Variants in MBD5 observed in about 807,000 individuals in gnomAD.
MBD5 encodes the protein methyl-CpG-binding domain protein 5.
Under a neutral mutation model 117.3 loss-of-function variants are expected in MBD5, and 13 were observed. That is an observed-to-expected ratio of 0.11 (90% confidence interval 0.07 to 0.18). The LOEUF is 0.18. Ranked by LOEUF, MBD5 falls within the 10% of genes least tolerant of loss-of-function variation. The pLI, the probability that MBD5 is intolerant of heterozygous loss-of-function variation, is 1.00. For synonymous variants in MBD5, 727 were observed against 766.4 expected, an observed-to-expected ratio of 0.95 and a Z score of 0.85; for missense variants, 1,879 against 2,093.8, an observed-to-expected ratio of 0.90 and a Z score of 2.00.
intron 9 of MBD5, among the ~76,000 whole-genome samples, chr2:148,484,610 C>A (rs139133441): frequency 8.5e-5 from 13 of 152,198 alleles, no homozygotes; most frequent in African/African-American, 3.1e-4. Flanking sequence ...TCTAGCAAAA[C>A]AAGAAACAAG....
intron 4 of MBD5, among the ~76,000 whole-genome samples, chr2:148,400,757 A>C (rs1368240296): frequency 1.3e-5 from 2 of 152,164 alleles, no homozygotes; most frequent in African/African-American, 4.8e-5. Flanking sequence ...GCAGTTAGCC[A>C]AATGTCTTTT....
chr2:148,204,051 A>G lies in MBD5; in HGVS notation c.-831+25258A>G, dbSNP rs1362906752. ...TGCTTAACTTTCTTCAGGAAGAAAG[A>G]AAAGGAGAGAGGGAAAGAATGGGAG... is the stretch of plus-strand genomic sequence containing the variant. On this transcript the variant is annotated intron_variant, in intron 2 of 13. Transcript: ENST00000642680. Among the ~76,000 whole-genome samples, 4 of 152,182 alleles carry G rather than the reference A, an allele frequency of 2.6e-5. No individual in the cohort carries two copies. The East Asian group carries it at 7.7e-4, about 29-fold the overall frequency.
At chr2:148,251,396 T>G (rs1574195170) in intron 3 of MBD5, among the ~76,000 whole-genome samples, 1 of 152,344 alleles carries the variant, frequency 6.6e-6, no homozygotes, top group East Asian at 1.9e-4. Flanking sequence ...TGGGCTTACC[T>G]GTGACTCATC....
intron 2 of MBD5, among the ~76,000 whole-genome samples, chr2:148,188,008 G>A (rs748464733): frequency 6.6e-6 from 1 of 152,210 alleles, no homozygotes; most frequent in Non-Finnish European, 1.5e-5. Context: ...CAAAGAATGG[G>A]AGGGATAAAT....
chr2:148,133,193 C>T (rs961222437), intron 1 of MBD5, among the ~76,000 whole-genome samples: 3 of 152,138 alleles, frequency 2.0e-5, no homozygotes, highest in African/African-American at 7.2e-5. Context: ...TCTGCTGTTT[C>T]TTAGGTTCAA....
At chr2:148,492,000 A>G (rs1264144309) in intron 11 of MBD5, among the ~76,000 whole-genome samples, 2 of 151,956 alleles carry the variant, frequency 1.3e-5, no homozygotes, top group Admixed American at 1.3e-4. Flanking sequence ...CTTCCCTGGA[A>G]GCATTCTCCC....
At chr2:148,148,866 G>C (rs935580072) in intron 1 of MBD5, among the ~76,000 whole-genome samples, 1 of 151,942 alleles carries the variant, frequency 6.6e-6, no homozygotes, top group African/African-American at 2.4e-5. Flanking sequence ...CTCTCTATAT[G>C]CCCTTGTGGG....
chr2:148,319,530 G>A (rs1702234453), intron 3 of MBD5, among the ~76,000 whole-genome samples: 1 of 152,048 alleles, frequency 6.6e-6, no homozygotes, highest in African/African-American at 2.4e-5. Context: ...AAATGGGATT[G>A]CCTTCTTCAT....
chr2:148,395,705 G>A (rs12464334), intron 4 of MBD5, among the ~76,000 whole-genome samples: 77,532 of 151,842 alleles, frequency 0.51, 20,105 homozygotes, highest in East Asian at 0.75. Context: ...GATTAGAGGC[G>A]TGAGCCACCG....
chr2:148,275,945 G>C (rs11683055), intron 3 of MBD5, among the ~76,000 whole-genome samples: 22,779 of 151,930 alleles, frequency 0.15, 2,051 homozygotes, highest in Non-Finnish European at 0.18. Flanking sequence ...TAGTTTCAAA[G>C]TTTTCTCATA....
chr2:148,394,720 TTC>T (rs35533753), intron 4 of MBD5, among the ~76,000 whole-genome samples: 75,753 of 151,286 alleles, frequency 0.5, 19,214 homozygotes, highest in East Asian at 0.75. Context: ...CTCAATTTCA[TTC>T]TGTCTTTATA....
At chr2:148,063,686 C>T (rs879834295) in intron 1 of MBD5, among the ~76,000 whole-genome samples, 3 of 151,632 alleles carry the variant, frequency 2.0e-5, no homozygotes, top group Non-Finnish European at 1.5e-5. Context: ...ATCTTAATGG[C>T]CTCTCTATTG....
chr2:148,125,413 A>C (rs917945753), intron 1 of MBD5, among the ~76,000 whole-genome samples: 1 of 152,206 alleles, frequency 6.6e-6, no homozygotes, highest in South Asian at 2.1e-4. Flanking sequence ...TATTAAATAT[A>C]CATTATGAAA....
chr2:148,218,095 T>C (rs781497541), intron 2 of MBD5, among the ~76,000 whole-genome samples: 1 of 152,204 alleles, frequency 6.6e-6, no homozygotes, highest in African/African-American at 2.4e-5. Context: ...TCATACAATA[T>C]AGCCAGTATA....
chr2:148,376,247 A>T (rs1055962838), intron 4 of MBD5, among the ~76,000 whole-genome samples: 1 of 147,128 alleles, frequency 6.8e-6, no homozygotes, highest in African/African-American at 2.5e-5. Flanking sequence ...TATTCTTATT[A>T]TATTTCTTTT....
chr2:148,154,503 G>C (rs879052026), intron 1 of MBD5, among the ~76,000 whole-genome samples: 1 of 152,200 alleles, frequency 6.6e-6, no homozygotes, highest in Non-Finnish European at 1.5e-5. Flanking sequence ...AAGCAAGCCT[G>C]GGCAATGGTG....
At chr2:148,502,327 G>T (rs547509481) in intron 11 of MBD5, 109 bp from the exon 12 acceptor site, 8 of 930,796 alleles carry the variant, frequency 8.6e-6, no homozygotes, top group East Asian at 2.5e-5. Flanking sequence ...GAAGGTTAAG[G>T]CTCCCCTCCC....
intron 4 of MBD5, among the ~76,000 whole-genome samples, chr2:148,386,883 T>C (rs1012967933): frequency 6.6e-6 from 1 of 152,070 alleles, no homozygotes; most frequent in Non-Finnish European, 1.5e-5. Flanking sequence ...GCTAAAATGG[T>C]CCTGTAAATA....
chr2:148,470,699 T>C, intron 8 of MBD5: 1 of 521,060 alleles, frequency 1.9e-6, no homozygotes, highest in Middle Eastern at 5.0e-4. Context: ...TGTGTCATTT[T>C]GAATATTGTT....
Sources: gnomAD v4.1 joint callset for allele counts (sites outside exome capture counted in the v4.1 genomes callset) on GRCh38, gnomAD v4.1.1 for gene constraint, MANE v1.5 for transcripts, NCBI Gene and HGNC (gene_info 2026-07-23, HGNC 2026-07-21) for gene names.